Variants in PAN3 observed in about 807,000 individuals in gnomAD.
PAN3 encodes PAN2-PAN3 deadenylation complex subunit PAN3.
Under a neutral mutation model 96.2 loss-of-function variants are expected in PAN3, and 19 were observed. The observed-to-expected ratio is 0.20, with a 90% CI of 0.14 to 0.29. PAN3 has a LOEUF of 0.29. Among genes scored for constraint, PAN3 ranks in the 10% least tolerant of loss-of-function variants. PAN3 has a pLI of 1.00. For missense variants in PAN3, 882 were observed against 1,108.1 expected (o/e 0.80, Z 2.90); for synonymous variants, 433 against 406.6 (o/e 1.06, Z -0.78).
intron 6 of PAN3, among the ~76,000 whole-genome samples, chr13:28,248,342 T>C (rs1337546481): frequency 1.3e-5 from 2 of 152,182 alleles, no homozygotes; most frequent in Non-Finnish European, 2.9e-5. Context: ...TGTTTCTAAA[T>C]ATAATATCAC....
At chr13:28,153,232 CTTTTTT>C (rs10651877) in intron 1 of PAN3, among the ~76,000 whole-genome samples, 2 of 101,532 alleles carry the variant, frequency 2.0e-5, no homozygotes, top group Non-Finnish European at 3.8e-5. Context: ...GTATAATACG[CTTTTTT>C]TTTTTTTTTT....
At chr13:28,144,371 C>G (rs897780622) in intron 1 of PAN3, among the ~76,000 whole-genome samples, 2 of 151,838 alleles carry the variant, frequency 1.3e-5, no homozygotes, top group South Asian at 2.1e-4. Context: ...CCCGCCACCA[C>G]GCCCAGATAA....
chr13:28,139,359 A>T (rs1869296277), intron 1 of PAN3, among the ~76,000 whole-genome samples: 1 of 72,628 alleles, frequency 1.4e-5, no homozygotes, highest in Non-Finnish European at 2.9e-5. Context: ...GGCGGGGAGG[A>T]AGGGGGATGG....
chr13:28,151,470 G>A (rs372552925), intron 1 of PAN3, among the ~76,000 whole-genome samples: 1 of 151,872 alleles, frequency 6.6e-6, no homozygotes, highest in Non-Finnish European at 1.5e-5. Context: ...AGCCAGGATT[G>A]TGCCACTGCA....
chr13:28,263,663 A>C (rs1885921305), intron 9 of PAN3, among the ~76,000 whole-genome samples: 1 of 152,208 alleles, frequency 6.6e-6, no homozygotes, highest in Non-Finnish European at 1.5e-5. Context: ...TTGACAAGAT[A>C]AAATTGGGTC....
intron 5 of PAN3, among the ~76,000 whole-genome samples, chr13:28,212,155 T>C (rs1385995903): frequency 6.6e-6 from 1 of 152,174 alleles, no homozygotes; most frequent in Non-Finnish European, 1.5e-5. Flanking sequence ...TCAACAATTC[T>C]CAGATCTATA....
chr13:28,139,514 T>TTGTGTGTGTGTGTGTGTGTG (rs10577740), intron 1 of PAN3, among the ~76,000 whole-genome samples: 33 of 93,132 alleles, frequency 3.5e-4, no homozygotes, highest in African/African-American at 8.9e-4. Flanking sequence ...AGGGGTGTGT[T>TTGTGTGTGTGTGTGTGTGTG]TGTGTGTGTG....
chr13:28,242,120 TCA>T (rs1883723980), intron 6 of PAN3, among the ~76,000 whole-genome samples: 1 of 152,202 alleles, frequency 6.6e-6, no homozygotes, highest in Admixed American at 6.5e-5. Context: ...CCAGCTTCCT[TCA>T]CATTCCTCTA....
intron 5 of PAN3, among the ~76,000 whole-genome samples, chr13:28,203,066 G>A (rs538533249): frequency 4.6e-4 from 69 of 150,566 alleles, no homozygotes; most frequent in Non-Finnish European, 8.6e-4. Flanking sequence ...AGGCTCAAGC[G>A]ATGCTCCCTC....
At chr13:28,173,289 T>C (rs1874537052) in intron 1 of PAN3, among the ~76,000 whole-genome samples, 1 of 152,208 alleles carries the variant, frequency 6.6e-6, no homozygotes, top group Non-Finnish European at 1.5e-5. Context: ...TAGTTCTTTT[T>C]TTTCCCATTT....
At chr13:28,220,446 T>C in intron 6 of PAN3, 68 bp downstream of exon 6, 4 of 1,501,772 alleles carry the variant, frequency 2.7e-6, no homozygotes, top group Non-Finnish European at 3.6e-6. Flanking sequence ...ACTATTAATT[T>C]ATCAGAACTG....
chr13:28,207,755 T>C (rs1879549185), intron 5 of PAN3, among the ~76,000 whole-genome samples: 2 of 152,308 alleles, frequency 1.3e-5, no homozygotes, highest in South Asian at 2.1e-4. Flanking sequence ...TAAACTAATA[T>C]CAATATACTG....
intron 15 of PAN3, among the ~76,000 whole-genome samples, 189 bp from the exon 16 acceptor site, chr13:28,280,223 C>T (rs919852449): frequency 6.6e-6 from 1 of 152,186 alleles, no homozygotes; most frequent in African/African-American, 2.4e-5. Flanking sequence ...ACTGTTTCTC[C>T]ATTGGCTGTT....
At chr13:28,217,580 CAA>C (rs1160662530) in intron 5 of PAN3, among the ~76,000 whole-genome samples, 2 of 129,500 alleles carry the variant, frequency 1.5e-5, no homozygotes, top group Non-Finnish European at 3.2e-5. Flanking sequence ...GATTCTGTCT[CAA>C]AAAACAAAAA....
At chr13:28,208,158 G>T (rs755594199) in intron 5 of PAN3, among the ~76,000 whole-genome samples, 34 of 152,110 alleles carry the variant, frequency 2.2e-4, no homozygotes, top group Non-Finnish European at 4.0e-4. Flanking sequence ...GATTAATATG[G>T]TAGGATTCTT....
rs182826055 is a variant in PAN3, at chr13:28,174,206, A to G, written c.431-66A>G. On this transcript the variant is annotated intron_variant, in intron 1 of 18. Coordinates refer to ENST00000380958, the MANE Select transcript of PAN3 (RefSeq NM_175854.8). ...GACTTTACAACTTATTTAGGAACACAGAAGTGAAATCAATGTTTCATCCTC... is the reference window on the plus strand; with the variant it reads ...GACTTTACAACTTATTTAGGAACACGGAAGTGAAATCAATGTTTCATCCTC... The G allele has an allele frequency of 2.0e-4, 299 of 1,495,056 alleles. 3 individuals carry two copies. In the Admixed American group the frequency reaches 4.9e-3, roughly 25 times the overall value. The allele number at this position is 1,495,056 out of a possible 1,614,324, so 92.6% of individuals were successfully genotyped here. A position where few individuals can be genotyped will look rare whatever the true frequency, so the allele number is the denominator to read the frequency against.
At chr13:28,141,997 A>G (rs139622150) in intron 1 of PAN3, among the ~76,000 whole-genome samples, 8 of 152,290 alleles carry the variant, frequency 5.3e-5, no homozygotes, top group African/African-American at 1.9e-4. Context: ...TTGTTAGTAA[A>G]AGTTGTCTGA....
intron 18 of PAN3, 139 bp downstream of exon 18, chr13:28,288,261 T>G: frequency 1.4e-6 from 1 of 736,404 alleles, no homozygotes; most frequent in Non-Finnish European, 2.1e-6. Context: ...TTAATAACAT[T>G]TTCTACAATG....
intron 2 of PAN3, 106 bp from the exon 3 acceptor site, chr13:28,176,387 A>G (rs1362741543): frequency 1.5e-5 from 15 of 973,842 alleles, no homozygotes; most frequent in Non-Finnish European, 2.3e-5. Context: ...AGTAATGTGA[A>G]CAGTAGATTG....
Sources: allele counts gnomAD v4.1 joint callset (sites outside exome capture counted in the v4.1 genomes callset), GRCh38; gene constraint gnomAD v4.1.1; transcripts MANE v1.5; gene names NCBI Gene and HGNC (gene_info 2026-07-23, HGNC 2026-07-21).